The following CYYR1 variants were observed in gnomAD, a reference collection of about 807,000 sequenced individuals.
CYYR1 encodes cysteine and tyrosine rich 1.
In CYYR1, 14 loss-of-function variants were observed where a neutral mutation model predicts 15.2. The observed-to-expected ratio is 0.92, with a 90% confidence interval of 0.61 to 1.44. The LOEUF is 1.44. CYYR1 is among the 40% of genes most tolerant of loss of function. The pLI, the probability that CYYR1 is intolerant of heterozygous loss-of-function variation, is 0.00. For missense variants in CYYR1, 228 were observed against 209.5 expected, an observed-to-expected ratio of 1.09 and a Z score of -0.54; for synonymous variants, 80 against 77.4, an observed-to-expected ratio of 1.03 and a Z score of -0.18.
chr21:26,472,500 A>G (rs1367243343), intron 3 of CYYR1, among the ~76,000 whole-genome samples: 2 of 152,082 alleles, frequency 1.3e-5, no homozygotes, highest in Non-Finnish European at 2.9e-5. Context: ...AATTAAGTAA[A>G]AATTTAGGTC....
intron 2 of CYYR1, among the ~76,000 whole-genome samples, chr21:26,562,759 CAGAGACATACACAA>C (rs1300355725): frequency 6.7e-5 from 8 of 119,996 alleles, no homozygotes; most frequent in African/African-American, 2.9e-4. Flanking sequence ...CACACACACA[CAGAGACATACACAA>C]ACACACACAC....
chr21:26,533,691 CAAGTT>C (rs1014425203), intron 2 of CYYR1, among the ~76,000 whole-genome samples: 10 of 152,238 alleles, frequency 6.6e-5, no homozygotes, highest in Middle Eastern at 3.4e-3. Context: ...TTAGCCCAGT[CAAGTT>C]GACACATAAA....
chr21:26,546,725 C>T (rs1160229161), intron 2 of CYYR1, among the ~76,000 whole-genome samples: 1 of 152,148 alleles, frequency 6.6e-6, no homozygotes, highest in African/African-American at 2.4e-5. Flanking sequence ...CATGGGAATG[C>T]ACCGTCTTAG....
intron 2 of CYYR1, among the ~76,000 whole-genome samples, chr21:26,513,020 C>A (rs1030798448): frequency 1.3e-5 from 2 of 152,188 alleles, no homozygotes; most frequent in African/African-American, 4.8e-5. Flanking sequence ...ATATTCTTCC[C>A]TTGTTATCAT....
chr21:26,527,788 G>A (rs975280953), intron 2 of CYYR1, among the ~76,000 whole-genome samples: 6 of 152,122 alleles, frequency 3.9e-5, no homozygotes, highest in African/African-American at 1.4e-4. Flanking sequence ...AGAATATTTT[G>A]TTCAAATAAT....
At chr21:26,507,900 T>C (rs945663723) in intron 2 of CYYR1, among the ~76,000 whole-genome samples, 7 of 151,288 alleles carry the variant, frequency 4.6e-5, no homozygotes, top group Admixed American at 2.6e-4. Context: ...TATTAATTCA[T>C]TCAACACATA....
chr21:26,515,138 G>C (rs1406341166), intron 2 of CYYR1, among the ~76,000 whole-genome samples: 1 of 152,150 alleles, frequency 6.6e-6, no homozygotes, highest in East Asian at 1.9e-4. Context: ...GGCACGTTAA[G>C]TAATCTAAGA....
Position 26,467,023 on chromosome 21 carries a change from G to A in CYYR1, c.*1478C>T, listed in dbSNP as rs1019452061. ...GATATAGTAAGCTTCTTATCTGCAA[G>A]TACAGGTACTATAACTTACACCTTA... On this transcript the variant is annotated 3_prime_UTR_variant, in exon 4 of 4. Transcript: ENST00000652641. 1.7e-4 allele frequency: 26 copies of A among 152,236 alleles called. No homozygotes were observed. The highest frequency in any genetic ancestry group is 6.3e-4 in the African/African-American group (26 of 41,560). 9.4% of individuals were successfully genotyped at this position (152,236 alleles called of 1,614,324 possible).
At chr21:26,542,354 A>C (rs1042672452) in intron 2 of CYYR1, among the ~76,000 whole-genome samples, 1 of 151,766 alleles carries the variant, frequency 6.6e-6, no homozygotes, top group African/African-American at 2.4e-5. Context: ...AGGAATGCAA[A>C]CATCATTTAA....
chr21:26,515,715 A>G (rs1005105188), intron 2 of CYYR1, among the ~76,000 whole-genome samples: 2 of 152,206 alleles, frequency 1.3e-5, no homozygotes, highest in East Asian at 1.9e-4. Context: ...AAAAACTCCA[A>G]TAACTATACT....
chr21:26,504,580 C>T (rs574128353), intron 2 of CYYR1, among the ~76,000 whole-genome samples: 15 of 152,206 alleles, frequency 9.9e-5, no homozygotes, highest in South Asian at 6.2e-4. Context: ...TTTTGATACA[C>T]GCATGCAATG....
intron 2 of CYYR1, chr21:26,552,135 C>T (rs1979436152): frequency 6.6e-6 from 1 of 152,166 alleles, no homozygotes; most frequent in Non-Finnish European, 1.5e-5. Context: ...AAGGTATGTA[C>T]ATTGTTTTTT....
intron 2 of CYYR1, among the ~76,000 whole-genome samples, chr21:26,539,359 C>T (rs891398911): frequency 2.0e-5 from 3 of 151,986 alleles, no homozygotes; most frequent in East Asian, 3.9e-4. Flanking sequence ...TTCCTATAAT[C>T]CCTCTGATTT....
At chr21:26,483,679 C>T (rs1055199357) in intron 2 of CYYR1, among the ~76,000 whole-genome samples, 6 of 152,082 alleles carry the variant, frequency 3.9e-5, no homozygotes, top group African/African-American at 1.4e-4. Context: ...GACACCCAGT[C>T]TCTGGCTTCG....
intron 2 of CYYR1, among the ~76,000 whole-genome samples, chr21:26,507,482 A>G (rs1456982483): frequency 6.6e-6 from 1 of 152,214 alleles, no homozygotes; most frequent in Non-Finnish European, 1.5e-5. Flanking sequence ...AAATTTAAAA[A>G]TTCAGATTTC....
At chr21:26,491,210 T>C (rs1199418727) in intron 2 of CYYR1, among the ~76,000 whole-genome samples, 2 of 152,230 alleles carry the variant, frequency 1.3e-5, no homozygotes, top group African/African-American at 2.4e-5. Flanking sequence ...CTCTCATTTA[T>C]AATGCATTGG....
chr21:26,534,866 T>G (rs189195617), intron 2 of CYYR1, among the ~76,000 whole-genome samples: 1 of 152,300 alleles, frequency 6.6e-6, no homozygotes, highest in East Asian at 1.9e-4. Context: ...TTGACAGATA[T>G]AGACAGGTAC....
At chr21:26,558,906 C>A (rs368944142) in intron 2 of CYYR1, among the ~76,000 whole-genome samples, 24 of 152,122 alleles carry the variant, frequency 1.6e-4, no homozygotes, top group Non-Finnish European at 2.6e-4. Context: ...CAATGTTTTG[C>A]TATTTTTTAA....
At chr21:26,548,750 T>G (rs1015637718) in intron 2 of CYYR1, among the ~76,000 whole-genome samples, 1 of 152,224 alleles carries the variant, frequency 6.6e-6, no homozygotes. Context: ...CCTAATTTTC[T>G]ACCCACTGGA....
Sources: gnomAD v4.1 joint callset for allele counts (sites outside exome capture counted in the v4.1 genomes callset) on GRCh38, gnomAD v4.1.1 for gene constraint, MANE v1.5 for transcripts, NCBI Gene and HGNC (gene_info 2026-07-23, HGNC 2026-07-21) for gene names.